Variants in IMMP2L observed in about 807,000 individuals in gnomAD.
IMMP2L encodes mitochondrial inner membrane protease subunit 2.
Under a neutral mutation model 19.3 loss-of-function variants are expected in IMMP2L, and 18 were observed. The ratio of observed to expected loss-of-function variants is 0.93; its 90% CI spans 0.64 to 1.38. The LOEUF (loss-of-function observed/expected upper bound fraction) is 1.38. Ranked by LOEUF, IMMP2L falls within the 40% of genes most tolerant of loss-of-function variation. The pLI, the probability that IMMP2L is intolerant of heterozygous loss-of-function variation, is 0.00. For missense variants in IMMP2L, 233 were observed against 218.2 expected (o/e 1.07, Z -0.43); for synonymous variants, 76 against 73.0 (o/e 1.04, Z -0.21).
At chr7:111,198,865 A>C (rs1809790974) in intron 3 of IMMP2L, among the ~76,000 whole-genome samples, 1 of 152,162 alleles carries the variant, frequency 6.6e-6, no homozygotes, top group African/African-American at 2.4e-5. Context: ...AAATAATGTA[A>C]ACTTCTTCAA....
intron 3 of IMMP2L, among the ~76,000 whole-genome samples, chr7:111,087,172 G>C (rs367652949): frequency 6.6e-6 from 1 of 152,076 alleles, no homozygotes; most frequent in African/African-American, 2.4e-5. Context: ...TATCTTTGCC[G>C]GGCGCGGTGG....
At chr7:111,035,851 T>C (rs1791290860) in intron 3 of IMMP2L, among the ~76,000 whole-genome samples, 1 of 152,130 alleles carries the variant, frequency 6.6e-6, no homozygotes, top group Non-Finnish European at 1.5e-5. Flanking sequence ...ACTGGCCTGG[T>C]CATTCCATCT....
chr7:110,781,483 T>C (rs559257180), intron 5 of IMMP2L, among the ~76,000 whole-genome samples: 35 of 152,028 alleles, frequency 2.3e-4, no homozygotes, highest in African/African-American at 8.2e-4. Context: ...CAAATTCTAA[T>C]TTGCCATATG....
chr7:110,935,753 C>G (rs1816031230), intron 4 of IMMP2L, among the ~76,000 whole-genome samples: 1 of 152,032 alleles, frequency 6.6e-6, no homozygotes, highest in Non-Finnish European at 1.5e-5. Context: ...CAATCCTAAG[C>G]AAAAAGAACA....
intron 5 of IMMP2L, among the ~76,000 whole-genome samples, chr7:110,840,181 G>A (rs1941026197): frequency 6.6e-6 from 1 of 152,088 alleles, no homozygotes; most frequent in Admixed American, 6.6e-5. Context: ...TGTAGGTCCT[G>A]GTAGTATCTC....
chr7:110,965,085 G>C (rs565145378), intron 3 of IMMP2L, among the ~76,000 whole-genome samples: 1 of 152,114 alleles, frequency 6.6e-6, no homozygotes, highest in South Asian at 2.1e-4. Flanking sequence ...AGACATTGGG[G>C]TAATTTGTCA....
chr7:110,966,171 A>T, intron 3 of IMMP2L, among the ~76,000 whole-genome samples: 1 of 152,088 alleles, frequency 6.6e-6, no homozygotes, highest in East Asian at 1.9e-4. Flanking sequence ...ATGTTAGAAA[A>T]TATTATTTGT....
At position 111,188,605 on chromosome 7, in the gene IMMP2L, T is replaced by C. The variant is rs1242305826; in HGVS notation, c.240-225040A>G. ...AGACATTCAGTCCATAAGAGCTTAT[T>C]AGACGGCTCTGCTCATCGTAGTTGG... On this transcript the variant is annotated intron_variant, in intron 3 of 5. Transcript: ENST00000405709. Among the ~76,000 whole-genome samples, 5 of 152,284 alleles carry C rather than the reference T, an allele frequency of 3.3e-5. No individual in the cohort carries two copies. In the East Asian group the frequency reaches 9.7e-4, roughly 29 times the overall value.
chr7:110,784,572 A>T (rs1331101998), intron 5 of IMMP2L, among the ~76,000 whole-genome samples: 1 of 151,980 alleles, frequency 6.6e-6, no homozygotes, highest in Non-Finnish European at 1.5e-5. Context: ...AGTGATTTTT[A>T]AAAAATGTAA....
intron 3 of IMMP2L, among the ~76,000 whole-genome samples, chr7:111,208,736 T>C (rs564038401): frequency 4.6e-5 from 7 of 152,228 alleles, no homozygotes; most frequent in Middle Eastern, 3.4e-3. Context: ...AATGCAAGGA[T>C]TGGTCTGGTG....
intron 3 of IMMP2L, among the ~76,000 whole-genome samples, chr7:110,991,185 T>C (rs986232251): frequency 6.6e-5 from 10 of 152,218 alleles, no homozygotes; most frequent in African/African-American, 2.4e-4. Flanking sequence ...GAAAATATTA[T>C]AGCCTTGACA....
At chr7:111,530,800 GA>G (rs1847319348) in intron 1 of IMMP2L, among the ~76,000 whole-genome samples, 1 of 151,798 alleles carries the variant, frequency 6.6e-6, no homozygotes, top group Non-Finnish European at 1.5e-5. Flanking sequence ...CAAAACTTTG[GA>G]AATAAAAGAA....
intron 3 of IMMP2L, among the ~76,000 whole-genome samples, chr7:111,144,261 GC>G (rs1803239286): frequency 6.6e-6 from 1 of 152,002 alleles, no homozygotes; most frequent in South Asian, 2.1e-4. Context: ...ACACAATATG[GC>G]CACATTCAAT....
chr7:111,020,087 A>C (rs6466369), intron 3 of IMMP2L, among the ~76,000 whole-genome samples: 2 of 123,266 alleles, frequency 1.6e-5, no homozygotes, highest in African/African-American at 7.1e-5. Context: ...TACAACAATT[A>C]AAAAAAAAAA....
chr7:111,276,891 G>C (rs1325248663), intron 3 of IMMP2L, among the ~76,000 whole-genome samples: 1 of 152,024 alleles, frequency 6.6e-6, no homozygotes, highest in South Asian at 2.1e-4. Context: ...TTAATAAATG[G>C]TGCTGGAAAA....
At chr7:111,252,043 G>C (rs911440870) in intron 3 of IMMP2L, among the ~76,000 whole-genome samples, 1 of 151,432 alleles carries the variant, frequency 6.6e-6, no homozygotes, top group African/African-American at 2.4e-5. Flanking sequence ...CAGAAAAAAA[G>C]AAACAGATTT....
At chr7:110,697,489 T>C (rs187161036) in intron 5 of IMMP2L, among the ~76,000 whole-genome samples, 1 of 152,350 alleles carries the variant, frequency 6.6e-6, no homozygotes, top group East Asian at 1.9e-4. Context: ...TGGTTTGGAA[T>C]TTTAACTAAC....
intron 3 of IMMP2L, among the ~76,000 whole-genome samples, chr7:111,367,506 A>G (rs542856650): frequency 6.6e-6 from 1 of 151,730 alleles, no homozygotes; most frequent in African/African-American, 2.4e-5. Flanking sequence ...AACATGTAGT[A>G]CAGTTAACAA....
chr7:111,055,597 G>A (rs549986284), intron 3 of IMMP2L, among the ~76,000 whole-genome samples: 22 of 152,142 alleles, frequency 1.4e-4, no homozygotes, highest in Non-Finnish European at 2.6e-4. Flanking sequence ...CCTGTCTGTT[G>A]TCAAACTGCT....
Sources: gnomAD v4.1 joint callset for allele counts (sites outside exome capture counted in the v4.1 genomes callset) on GRCh38, gnomAD v4.1.1 for gene constraint, MANE v1.5 for transcripts, NCBI Gene and HGNC (gene_info 2026-07-23, HGNC 2026-07-21) for gene names.